Variants in PHKB observed in about 807,000 individuals in gnomAD.
The protein encoded by PHKB is phosphorylase b kinase regulatory subunit beta.
Under a neutral mutation model 152.1 loss-of-function variants are expected in PHKB, and 122 were observed. That is an observed-to-expected ratio of 0.80 (90% confidence interval 0.69 to 0.93). PHKB has a LOEUF of 0.93. Among genes scored for constraint, PHKB ranks in the 40% least tolerant of loss-of-function variants. The pLI is 0.00. For synonymous variants in PHKB, 436 were observed against 464.9 expected (o/e 0.94, Z 0.80); for missense variants, 1,304 against 1,328.4 (o/e 0.98, Z 0.29).
intron 18 of PHKB, among the ~76,000 whole-genome samples, chr16:47,649,409 T>G (rs1456671129): frequency 6.6e-6 from 1 of 152,154 alleles, no homozygotes; most frequent in African/African-American, 2.4e-5. Flanking sequence ...TATATACAGT[T>G]GTATGACTGC....
chr16:47,674,992 T>C (rs866404655), intron 26 of PHKB, among the ~76,000 whole-genome samples: 3 of 152,248 alleles, frequency 2.0e-5, no homozygotes, highest in African/African-American at 7.2e-5. Flanking sequence ...CTTAAGTGAC[T>C]ATCTCAGGCA....
At chr16:47,676,984 G>A (rs147771063) in intron 26 of PHKB, among the ~76,000 whole-genome samples, 75 of 152,302 alleles carry the variant, frequency 4.9e-4, no homozygotes, top group African/African-American at 1.7e-3. Context: ...TGATCCAGAC[G>A]TACCTTGTCC....
At chr16:47,602,595 A>G (rs1237426451) in intron 13 of PHKB, among the ~76,000 whole-genome samples, 1 of 146,508 alleles carries the variant, frequency 6.8e-6, no homozygotes, top group Non-Finnish European at 1.5e-5. Context: ...CTGTAGTGAA[A>G]GGTGAAGAGT....
In PHKB at chr16:47,565,922, T is replaced by G. The variant is rs577307039; in HGVS notation, c.711-14373T>G. On this transcript the variant is annotated intron_variant, in intron 7 of 30. Transcript: ENST00000323584. The stretch of plus-strand genomic sequence containing the variant: ...GCTTTAGATTCAGTTTGGGTCTTTG[T>G]GGGGGACCTCTATCATCACGCCTAT... 3.2e-4 allele frequency: 342 copies of G among 1,056,424 alleles called. 3 individuals carry two copies. The Middle Eastern group carries it at 3.4e-3, about 11-fold the overall frequency. 65.4% of individuals were successfully genotyped at this position (1,056,424 alleles called of 1,614,324 possible).
chr16:47,580,611 G>A (rs1287338835), intron 8 of PHKB, among the ~76,000 whole-genome samples: 3 of 146,304 alleles, frequency 2.1e-5, no homozygotes, highest in Non-Finnish European at 4.5e-5. Flanking sequence ...TGATTTCCTT[G>A]GTTCAGTGAC....
In PHKB at chr16:47,641,017, C is replaced by T. The variant is rs1290810700; in HGVS notation, c.1459-18C>T. The T allele has an allele frequency of 1.9e-6, 3 of 1,609,878 alleles. No individual in the cohort carries two copies. The highest frequency in any genetic ancestry group is 2.7e-5 in the African/African-American group (2 of 74,818). ...GATCTTTTAAAATGTTTTCCCCCTC[C>T]CTTATTCTGCATTACAGGGCCCACT... On this transcript the variant is annotated intron_variant, in intron 14 of 30. Transcript: ENST00000323584.
chr16:47,664,595 C>T (rs1296303113), intron 24 of PHKB, among the ~76,000 whole-genome samples: 1 of 151,996 alleles, frequency 6.6e-6, no homozygotes, highest in African/African-American at 2.4e-5. Flanking sequence ...ATGTAATAAT[C>T]CTATAGTTAA....
intron 13 of PHKB, among the ~76,000 whole-genome samples, chr16:47,605,707 G>GA (rs2151706759): frequency 6.6e-6 from 1 of 151,902 alleles, no homozygotes; most frequent in African/African-American, 2.4e-5. Context: ...TTTAAATTTT[G>GA]AAAAAGTGTA....
In PHKB at chr16:47,504,869, C is replaced by T. The variant is rs185739422; in HGVS notation, c.405+1779C>T. On this transcript the variant is annotated intron_variant, in intron 4 of 30. Transcript: ENST00000323584. ...GTCCCCTGAGGGTGCACCACTGGCCCATCTCACCCAGGGCGGTGCCCCAGA... is the reference window on the plus strand; with the variant it reads ...GTCCCCTGAGGGTGCACCACTGGCCTATCTCACCCAGGGCGGTGCCCCAGA... Among the ~76,000 whole-genome samples the T allele has an allele frequency of 1.4e-4, 21 of 152,356 alleles. No homozygotes were observed. The East Asian group carries it at 3.9e-3, about 28-fold the overall frequency.
chr16:47,508,714 T>C (rs1272373285), intron 4 of PHKB, among the ~76,000 whole-genome samples: 1 of 152,196 alleles, frequency 6.6e-6, no homozygotes, highest in Non-Finnish European at 1.5e-5. Flanking sequence ...ACTTTTGCTT[T>C]AATTATTATC....
rs1597104842 is a variant in PHKB, at chr16:47,587,014, G to A, written c.775-654G>A. ...GTATAATCTAGTGTTTAAAGAATGG[G>A]CCTCTGTGTCAGAGACTTGATTTTG... On this transcript the variant is annotated intron_variant, in intron 8 of 30. Transcript: ENST00000323584. Among the ~76,000 whole-genome samples, 2 of 152,022 alleles carry A rather than the reference G, an allele frequency of 1.3e-5. 1 individual carries two copies. Among genetic ancestry groups the A allele is most frequent in the Admixed American group, 1.3e-4 (2 of 15,256 alleles).
intron 20 of PHKB, among the ~76,000 whole-genome samples, chr16:47,653,083 T>C (rs1420687856): frequency 6.6e-6 from 1 of 152,170 alleles, no homozygotes; most frequent in Non-Finnish European, 1.5e-5. Flanking sequence ...AGCTCCTTTT[T>C]GTTGTAGAAA....
chr16:47,601,889 T>A (rs1045302522), intron 13 of PHKB, among the ~76,000 whole-genome samples: 3 of 152,140 alleles, frequency 2.0e-5, no homozygotes, highest in Non-Finnish European at 4.4e-5. Context: ...AATACAATAA[T>A]TTTTTTAGGG....
intron 20 of PHKB, among the ~76,000 whole-genome samples, chr16:47,656,276 G>A (rs183321564): frequency 1.1e-4 from 17 of 152,234 alleles, no homozygotes; most frequent in Non-Finnish European, 2.2e-4. Context: ...CTCAGCCTCC[G>A]CAAGTGCGGG....
At chr16:47,478,794 A>G (rs1208523597) in intron 1 of PHKB, among the ~76,000 whole-genome samples, 1 of 152,110 alleles carries the variant, frequency 6.6e-6, no homozygotes, top group Non-Finnish European at 1.5e-5. Flanking sequence ...GTTAAAATTA[A>G]ATTTATGTGT....
intron 13 of PHKB, among the ~76,000 whole-genome samples, chr16:47,598,258 T>A (rs922069278): frequency 6.6e-6 from 1 of 152,200 alleles, no homozygotes; most frequent in African/African-American, 2.4e-5. Context: ...ATCTATAAAT[T>A]TGTTTAGACT....
intron 27 of PHKB, among the ~76,000 whole-genome samples, chr16:47,690,918 G>T (rs1040929930): frequency 6.6e-6 from 1 of 152,122 alleles, no homozygotes; most frequent in African/African-American, 2.4e-5. Flanking sequence ...CTGATATGAT[G>T]CATTGAAAAG....
At chr16:47,689,196 C>A (rs747282122) in intron 27 of PHKB, 21 bp downstream of exon 27, 1 of 1,609,906 alleles carries the variant, frequency 6.2e-7, no homozygotes, top group Non-Finnish European at 8.5e-7. Flanking sequence ...CCCCTTGTTA[C>A]CTACATGATA....
chr16:47,511,721 T>A lies in PHKB; in HGVS notation c.462T>A (p.Asn154Lys), dbSNP rs752988297. 1.6e-5 allele frequency: 26 copies of A among 1,613,138 alleles called. No homozygotes were observed. The highest frequency in any genetic ancestry group is 2.7e-5 in the African/African-American group (2 of 74,924). Reference protein sequence around the residue: ...RPTTCLHSVFNVHTGDELLSY... With the variant: ...RPTTCLHSVFKVHTGDELLSY... ...CAACATGTCTTCACTCTGTTTTCAA[T>A]GTGCATACAGGAGATGAGTTGCTTT... The change falls in exon 5 of 31, where the codon AAT becomes AAA. Residue 154 changes from asparagine to lysine, a missense_variant. Coordinates refer to ENST00000323584, the MANE Select transcript of PHKB (RefSeq NM_000293.3).
Sources: allele counts gnomAD v4.1 joint callset (sites outside exome capture counted in the v4.1 genomes callset), GRCh38; gene constraint gnomAD v4.1.1; transcripts MANE v1.5; gene names NCBI Gene and HGNC (gene_info 2026-07-23, HGNC 2026-07-21).